Variants in ZPBP observed in about 807,000 individuals in gnomAD.
ZPBP encodes zona pellucida binding protein, also known as zona pellucida-binding protein 1.
Under a neutral mutation model 44.8 loss-of-function variants are expected in ZPBP, and 26 were observed. The ratio of observed to expected loss-of-function variants is 0.58; its 90% CI spans 0.43 to 0.81. ZPBP has a LOEUF of 0.81. ZPBP is among the 30% of genes least tolerant of loss of function. ZPBP has a pLI of 0.00. For synonymous variants in ZPBP, 174 were observed against 153.2 expected, an observed-to-expected ratio of 1.14 and a Z score of -1.00; for missense variants, 409 against 434.0, an observed-to-expected ratio of 0.94 and a Z score of 0.51.
intron 3 of ZPBP, among the ~76,000 whole-genome samples, chr7:50,071,987 T>C (rs1801861759): frequency 1.3e-5 from 2 of 152,088 alleles, no homozygotes; most frequent in Non-Finnish European, 2.9e-5. Flanking sequence ...GCTTGAGAAA[T>C]GCAGAAGGAA....
chr7:50,071,440 T>C (rs941060675), intron 3 of ZPBP, among the ~76,000 whole-genome samples: 2 of 152,162 alleles, frequency 1.3e-5, no homozygotes, highest in East Asian at 1.9e-4. Context: ...ATCTAGGCCA[T>C]AGGGCTACAA....
intron 5 of ZPBP, among the ~76,000 whole-genome samples, chr7:50,021,473 CCAGT>C (rs1584059633): frequency 6.7e-6 from 1 of 148,334 alleles, no homozygotes; most frequent in African/African-American, 2.4e-5. Context: ...CTGAAATTAT[CCAGT>C]CAGAGAAGAA....
chr7:49,879,799 G>A (rs690996), intron 2 of ZPBP, among the ~76,000 whole-genome samples: 1 of 151,726 alleles, frequency 6.6e-6, no homozygotes, highest in African/African-American at 2.4e-5. Context: ...ATAATTTTAG[G>A]TGTGATCACA....
chr7:50,041,989 T>C (rs1428629133), intron 4 of ZPBP, among the ~76,000 whole-genome samples: 1 of 152,082 alleles, frequency 6.6e-6, no homozygotes, highest in African/African-American at 2.4e-5. Context: ...AATGACCTGA[T>C]GGAGCTAAAA....
At chr7:49,876,112 G>T (rs192438141) in intron 2 of ZPBP, among the ~76,000 whole-genome samples, 1 of 152,122 alleles carries the variant, frequency 6.6e-6, no homozygotes, top group Admixed American at 6.6e-5. Context: ...TAATCCTAAA[G>T]AAAGGATCCA....
intron 5 of ZPBP, among the ~76,000 whole-genome samples, chr7:50,021,723 C>CA (rs1397838492): frequency 3.3e-5 from 5 of 151,932 alleles, no homozygotes; most frequent in Non-Finnish European, 7.4e-5. Context: ...ATGAAATTTT[C>CA]AAAAATCAAA....
At chr7:49,850,116 A>G (rs1790117518), downstream of ZPBP, among the ~76,000 whole-genome samples, 1 of 152,162 alleles carries the variant, frequency 6.6e-6, no homozygotes, top group South Asian at 2.1e-4. Flanking sequence ...AGCACATAGC[A>G]TGGTGCTGCA....
chr7:49,970,161 A>G (rs1796240706), intron 7 of ZPBP, among the ~76,000 whole-genome samples: 1 of 152,152 alleles, frequency 6.6e-6, no homozygotes, highest in Non-Finnish European at 1.5e-5. Flanking sequence ...TGTCTGGCCT[A>G]TGTTAATAAA....
At chr7:50,026,257 A>C (rs1392902436) in intron 5 of ZPBP, among the ~76,000 whole-genome samples, 1 of 119,220 alleles carries the variant, frequency 8.4e-6, no homozygotes, top group Non-Finnish European at 1.7e-5. Flanking sequence ...AACATTTATA[A>C]CTATATAGGC....
intron 3 of ZPBP, among the ~76,000 whole-genome samples, chr7:50,070,443 C>T (rs572053472): frequency 1.1e-4 from 16 of 152,306 alleles, no homozygotes; most frequent in African/African-American, 2.4e-4. Context: ...GGTGCCGGGA[C>T]GCAGGAGAGC....
At chr7:49,978,992 C>T (rs1367476682) in intron 7 of ZPBP, among the ~76,000 whole-genome samples, 1 of 151,698 alleles carries the variant, frequency 6.6e-6, no homozygotes, top group Non-Finnish European at 1.5e-5. Flanking sequence ...GTTTATTAAC[C>T]ATAAGATGGC....
At chr7:49,961,292 G>A (rs1172798984) in intron 7 of ZPBP, among the ~76,000 whole-genome samples, 3 of 151,964 alleles carry the variant, frequency 2.0e-5, no homozygotes, top group African/African-American at 7.2e-5. Flanking sequence ...AATAAACAGG[G>A]ACAAACAATT....
At chr7:49,925,954 T>C (rs1046545539) in intron 1 of ZPBP, among the ~76,000 whole-genome samples, 1 of 152,232 alleles carries the variant, frequency 6.6e-6, no homozygotes, top group Non-Finnish European at 1.5e-5. Flanking sequence ...TTTGGAAGTT[T>C]GGTCTGTCAG....
intron 1 of ZPBP, among the ~76,000 whole-genome samples, chr7:49,901,942 T>C (rs1792764665): frequency 7.0e-6 from 1 of 142,046 alleles, no homozygotes; most frequent in African/African-American, 2.7e-5. Flanking sequence ...GGAACAATGA[T>C]AGTTTTTTCA....
At chr7:49,998,204 C>A (rs1797939404) in intron 6 of ZPBP, among the ~76,000 whole-genome samples, 1 of 152,216 alleles carries the variant, frequency 6.6e-6, no homozygotes, top group African/African-American at 2.4e-5. Flanking sequence ...GCGTGAACCA[C>A]CACGCCCAGC....
intron 2 of ZPBP, among the ~76,000 whole-genome samples, chr7:49,855,050 G>A (rs1365438554): frequency 2.6e-5 from 4 of 152,150 alleles, no homozygotes; most frequent in Non-Finnish European, 5.9e-5. Context: ...GGAGTTCTCG[G>A]CTTCTATATT....
chr7:49,855,282 G>A (rs495813), intron 2 of ZPBP, among the ~76,000 whole-genome samples: 116,084 of 152,134 alleles, frequency 0.76, 44,510 homozygotes, highest in East Asian at 0.88. Flanking sequence ...GTTTATGGAC[G>A]GTGTAGTCTC....
At chr7:49,940,749 A>C (rs1794842095) in intron 7 of ZPBP, 1 of 985,126 alleles carries the variant, frequency 1.0e-6, no homozygotes, top group Non-Finnish European at 1.2e-6. Flanking sequence ...GCAGCTCTGG[A>C]AGATTCCATC....
At chr7:50,085,754 G>A (rs1419113798) in intron 2 of ZPBP, among the ~76,000 whole-genome samples, 1 of 152,024 alleles carries the variant, frequency 6.6e-6, no homozygotes, top group Non-Finnish European at 1.5e-5. Context: ...GCAACAATTG[G>A]GGAAAACAAT....
Sources: gnomAD v4.1 joint callset for allele counts (sites outside exome capture counted in the v4.1 genomes callset) on GRCh38, gnomAD v4.1.1 for gene constraint, MANE v1.5 for transcripts, NCBI Gene and HGNC (gene_info 2026-07-23, HGNC 2026-07-21) for gene names.